Variants in TULP1 observed in about 807,000 individuals in gnomAD.
TULP1 encodes tubby-related protein 1.
In TULP1, 50 loss-of-function variants were observed where a neutral mutation model predicts 67.1. That is an observed-to-expected ratio of 0.75 (90% CI 0.59 to 0.94). The LOEUF is 0.94. Ranked by LOEUF, TULP1 falls within the 40% of genes least tolerant of loss-of-function variation. The probability of loss-of-function intolerance (pLI) is 0.00; values close to 1 mark genes in which losing one functional copy is unlikely to be tolerated. For missense variants in TULP1, 746 were observed against 734.1 expected (o/e 1.02, Z -0.19); for synonymous variants, 297 against 294.0 (o/e 1.01, Z -0.11).
chr6:35,509,008 A>C (rs778221034), intron 8 of TULP1, among the ~76,000 whole-genome samples: 5 of 152,168 alleles, frequency 3.3e-5, no homozygotes, highest in Non-Finnish European at 7.3e-5. Flanking sequence ...TTGCATGGCC[A>C]GTCCTAGCCT....
rs1363255835 is a variant in TULP1, at chr6:35,511,793, C to G, written c.204G>C (p.Gly68=). The change falls in exon 4 of 15, where the codon GGG becomes GGC. Residue 68 remains glycine, a synonymous_variant. Transcript: ENST00000229771. ...KPRKPGAGRT[G]RPREEPSPDP... is the part of the protein sequence containing the mutation. ...CTGGGGAAGGCTCCTCCCGCGGCCT[C>G]CCCGTCCGCCCAGCTGAGCCGAGAT... The G allele has an allele frequency of 3.8e-6, 6 of 1,561,622 alleles. No individual in the cohort carries two copies. The African/African-American group carries it at 5.4e-5, about 14-fold the overall frequency.
At chr6:35,508,443 CT>C (rs1761124227) in intron 8 of TULP1, among the ~76,000 whole-genome samples, 1 of 152,202 alleles carries the variant, frequency 6.6e-6, no homozygotes, top group South Asian at 2.1e-4. Context: ...ATCAGTCCCC[CT>C]AGACCTGACC....
At chr6:35,510,680 T>C in intron 5 of TULP1, 181 bp downstream of exon 5, 1 of 1,349,296 alleles carries the variant, frequency 7.4e-7, no homozygotes, top group Non-Finnish European at 1.0e-6. Flanking sequence ...GGTGGAGGCA[T>C]ATATTGGTCT....
chr6:35,508,736 C>T (rs900088866), intron 8 of TULP1, among the ~76,000 whole-genome samples: 1 of 152,132 alleles, frequency 6.6e-6, no homozygotes, highest in Non-Finnish European at 1.5e-5. Context: ...TTAACCCTTT[C>T]GTTGCTGGAG....
intron 11 of TULP1, among the ~76,000 whole-genome samples, chr6:35,505,277 C>G (rs1214416305): frequency 1.3e-5 from 2 of 152,238 alleles, no homozygotes; most frequent in Non-Finnish European, 2.9e-5. Context: ...ACTCAGGCAT[C>G]CCCTTCCTTC....
chr6:35,503,015 G>A lies in TULP1; in HGVS notation c.1323+544C>T. ...TGCAGTGGCACCATCTCGGCTTACT[G>A]CAAGCTCCGCCTCCCAGGTTCACGC... On this transcript the variant is annotated intron_variant, in intron 13 of 14. Transcript: ENST00000229771. The surrounding 1 kb of genome is among the most constrained non-coding windows in gnomAD (Gnocchi z 4.0). 6.6e-6 allele frequency among the ~76,000 whole-genome samples: 1 copy of A among 152,076 alleles called. No homozygotes were observed. The highest frequency in any genetic ancestry group is 1.5e-5 in the Non-Finnish European group (1 of 68,018).
intron 13 of TULP1, among the ~76,000 whole-genome samples, chr6:35,500,590 G>T (rs577688485): frequency 2.1e-4 from 32 of 152,296 alleles, no homozygotes; most frequent in African/African-American, 7.5e-4. Context: ...AAGGAGCAGG[G>T]TCTGTATAAT....
At chr6:35,508,937 G>T (rs1761133601) in intron 8 of TULP1, among the ~76,000 whole-genome samples, 1 of 152,164 alleles carries the variant, frequency 6.6e-6, no homozygotes, top group East Asian at 1.9e-4. Context: ...GGACATCTCT[G>T]GCTGTCTGAT....
intron 8 of TULP1, among the ~76,000 whole-genome samples, chr6:35,507,203 CAAAA>C (rs869194937): frequency 1.7e-4 from 12 of 71,960 alleles, no homozygotes; most frequent in Non-Finnish European, 1.8e-4. Context: ...AACACTCAAG[CAAAA>C]AAAAAAAAAA....
At position 35,498,242 on chromosome 6, in the gene TULP1, G is replaced by T; in HGVS notation, c.*85C>A. 13 of 1,555,488 alleles carry T rather than the reference G, an allele frequency of 8.4e-6. No homozygotes were observed. Among genetic ancestry groups the T allele is most frequent in the Non-Finnish European group, 1.1e-5 (13 of 1,154,850 alleles). Reference sequence around the variant, plus strand: ...GACACAGGAGCAGTTTTCCGCGGGAGCTTTGCTGGAGGGACCCTGCCAGCC... The same window carrying T: ...GACACAGGAGCAGTTTTCCGCGGGATCTTTGCTGGAGGGACCCTGCCAGCC... On this transcript the variant is annotated 3_prime_UTR_variant, in exon 15 of 15. Transcript: ENST00000229771. The surrounding 1 kb of genome is among the most constrained non-coding windows in gnomAD (Gnocchi z 6.7).
At position 35,512,848 on chromosome 6, in the gene TULP1, C is replaced by A; in HGVS notation, c.11G>T (p.Arg4Leu). The A allele has an allele frequency of 6.2e-7, 1 of 1,613,046 alleles. No homozygotes were observed. The highest frequency in any genetic ancestry group is 8.5e-7 in the Non-Finnish European group (1 of 1,180,004). MPL[R>L]DETLREVWAS... ...CCACACCTCTCGGAGGGTTTCATCC[C>A]GCAGAGGCATGGTGCCTTTGCCTAT... The change falls in exon 1 of 15, where the codon CGG becomes CTG. Residue 4 changes from arginine (R) to leucine (L), a missense_variant. Arg to Leu is a moderately radical substitution (Grantham distance 102). Transcript: ENST00000229771.
intron 11 of TULP1, 43 bp downstream of exon 11, chr6:35,505,698 T>C (rs367583241): frequency 3.3e-4 from 532 of 1,610,472 alleles, no homozygotes; most frequent in Middle Eastern, 9.9e-4. Flanking sequence ...CTATGGCCTT[T>C]TGCTGACCCA....
chr6:35,509,524 C>T (rs908518195), intron 7 of TULP1, 110 bp downstream of exon 7: 69 of 1,222,386 alleles, frequency 5.6e-5, no homozygotes, highest in Non-Finnish European at 7.6e-5. Context: ...TGACTCTAGA[C>T]CTGGCAAACT....
At position 35,503,273 on chromosome 6, in the gene TULP1, T is replaced by G; in HGVS notation, c.1323+286A>C. The G allele has an allele frequency of 2.4e-6, 1 of 421,376 alleles. No individual in the cohort carries two copies. Among genetic ancestry groups the G allele is most frequent in the South Asian group, 2.1e-5 (1 of 46,522 alleles). 26.1% of individuals were successfully genotyped at this position (421,376 alleles called of 1,614,324 possible). A position where few individuals can be genotyped will look rare whatever the true frequency, so the allele number is the denominator to read the frequency against. ...GATCTTTGTTTTGTCCACTGATGTCTTCCAGGTGCCTAGGATAATACTTGG... is the reference window on the plus strand; with the variant it reads ...GATCTTTGTTTTGTCCACTGATGTCGTCCAGGTGCCTAGGATAATACTTGG... On this transcript the variant is annotated intron_variant, in intron 13 of 14. Transcript: ENST00000229771. The surrounding 1 kb of genome is among the most constrained non-coding windows in gnomAD (Gnocchi z 4.0).
intron 13 of TULP1, among the ~76,000 whole-genome samples, chr6:35,501,487 C>A (rs1215553193): frequency 7.4e-6 from 1 of 135,956 alleles, no homozygotes; most frequent in African/African-American, 2.8e-5. Flanking sequence ...TGGAGTGAGA[C>A]CCAGAGTGAG....
At chr6:35,501,430 C>T (rs1760957129) in intron 13 of TULP1, among the ~76,000 whole-genome samples, 1 of 137,682 alleles carries the variant, frequency 7.3e-6, no homozygotes, top group African/African-American at 2.8e-5. Context: ...GCCAGGAGGT[C>T]GAGGCTGCAG....
Position 35,498,855 on chromosome 6 carries a change from C to T in TULP1, c.1496-395G>A, listed in dbSNP as rs189444192. Among the ~76,000 whole-genome samples, 22 of 152,302 alleles carry T rather than the reference C, an allele frequency of 1.4e-4. No homozygotes were observed. The East Asian group carries it at 4.0e-3, about 28-fold the overall frequency. ...GTCCCACCTTAGACCCCAGCTCCAC[C>T]CCTTGACTAGCCCCTGGTTCCCTTC... On this transcript the variant is annotated intron_variant, in intron 14 of 14. Coordinates refer to ENST00000229771, the MANE Select transcript of TULP1 (RefSeq NM_003322.6). This position sits in a 1 kb window ranked among gnomAD's most constrained non-coding sequence, Gnocchi z 6.7.
In TULP1 at chr6:35,500,087, G is replaced by T. The variant is rs775196326; in HGVS notation, c.1389C>A (p.Asn463Lys). 6.2e-7 allele frequency: 1 copy of T among 1,614,194 alleles called. No individual in the cohort carries two copies. Among genetic ancestry groups the T allele is most frequent in the East Asian group, 2.2e-5 (1 of 44,884 alleles). Residue 463 changes from asparagine (N) to lysine (K), a missense_variant, in exon 14 of 15, where the codon AAC becomes AAA. By Grantham distance (94) the Asn-to-Lys change is moderately conservative (BLOSUM62 0). Around this residue, in one of 3 missense-constraint regions of TULP1, gnomAD observed 383 missense variants for 374.1 expected, o/e 1.02. Coordinates refer to ENST00000229771, the MANE Select transcript of TULP1 (RefSeq NM_003322.6). Reference protein sequence around the residue: ...KTLESLIELHNKPPVWNDDSG... With the variant: ...KTLESLIELHKKPPVWNDDSG... ...TGTCATCGTTCCAGACAGGTGGCTT[G>T]TTGTGCAGTTCTATGAGGCTCTCCA...
chr6:35,505,748 T>A lies in TULP1; in HGVS notation c.1105A>T (p.Lys369Ter). 1.2e-6 allele frequency: 2 copies of A among 1,614,086 alleles called. No homozygotes were observed. The highest frequency in any genetic ancestry group is 1.7e-6 in the Non-Finnish European group (2 of 1,179,996). Residue 369 changes from lysine to a stop codon, truncating the protein, a stop_gained, in exon 11 of 15, where the codon AAG becomes TAG. Transcript: ENST00000229771. LOFTEE classifies it high-confidence loss of function. ...CAGGAAGCCCAGCCCCACCTCAGCT[T>A]CCCGATGAAATTCTCCCCTCCTCGG... is the stretch of plus-strand genomic sequence containing the variant. ...LSRGGENFIGKLRSNLLGNRF... is the reference protein window; with the variant it reads ...LSRGGENFIG
Sources: allele counts gnomAD v4.1 joint callset (sites outside exome capture counted in the v4.1 genomes callset), GRCh38; gene constraint gnomAD v4.1.1; regional missense constraint gnomAD v4.1.1; non-coding constraint Gnocchi (gnomAD v3.1); transcripts MANE v1.5; gene names NCBI Gene and HGNC (gene_info 2026-07-23, HGNC 2026-07-21).